The following POLI variants were observed in gnomAD, a reference collection of about 807,000 sequenced individuals.
The protein encoded by POLI is DNA polymerase iota.
In POLI, 58 loss-of-function variants were observed where a neutral mutation model predicts 51.6. That is an observed-to-expected ratio of 1.12 (90% CI 0.91 to 1.40). The LOEUF (loss-of-function observed/expected upper bound fraction) is 1.40. Ranked by LOEUF, POLI falls within the 40% of genes most tolerant of loss-of-function variation. POLI has a pLI of 0.00. For synonymous variants in POLI, 322 were observed against 299.7 expected, an observed-to-expected ratio of 1.07 and a Z score of -0.77; for missense variants, 921 against 871.3, an observed-to-expected ratio of 1.06 and a Z score of -0.72.
At chr18:54,315,803 G>A (rs964026493) in intron 3 of POLI, among the ~76,000 whole-genome samples, 2 of 152,042 alleles carry the variant, frequency 1.3e-5, no homozygotes, top group African/African-American at 4.8e-5. Flanking sequence ...CCATTTGCAT[G>A]ATGGATCTTT....
intron 9 of POLI, 71 bp downstream of exon 9, chr18:54,292,109 C>A: frequency 1.1e-6 from 1 of 918,488 alleles, no homozygotes; most frequent in Non-Finnish European, 1.7e-6. Context: ...CATTACAAAT[C>A]TAAGTGCTTG....
intron 3 of POLI, among the ~76,000 whole-genome samples, chr18:54,319,163 A>T (rs920876963): frequency 6.6e-5 from 10 of 152,200 alleles, no homozygotes; most frequent in Non-Finnish European, 1.0e-4. Context: ...GTCCCTAATG[A>T]CATTATTAGG....
intron 3 of POLI, among the ~76,000 whole-genome samples, chr18:54,305,805 C>G (rs1410566268): frequency 1.3e-5 from 2 of 151,958 alleles, no homozygotes; most frequent in African/African-American, 4.8e-5. Flanking sequence ...GTCACCCAGG[C>G]TGGAGTGCAG....
At chr18:54,285,995 A>G (rs1353267482) in intron 7 of POLI, among the ~76,000 whole-genome samples, 2 of 151,868 alleles carry the variant, frequency 1.3e-5, no homozygotes. Flanking sequence ...CTCAACCGCC[A>G]GAATAGCTGG....
intron 4 of POLI, 123 bp from the exon 5 acceptor site, chr18:54,280,544 G>T: frequency 1.5e-6 from 1 of 648,828 alleles, no homozygotes; most frequent in Admixed American, 2.6e-5. Context: ...AGGTGATGAT[G>T]GTGGTGGTTG....
intron 8 of POLI, among the ~76,000 whole-genome samples, chr18:54,289,873 C>T (rs1309790267): frequency 6.6e-6 from 1 of 152,106 alleles, no homozygotes; most frequent in South Asian, 2.1e-4. Flanking sequence ...ATCATAAAAA[C>T]CCTAGAAGAA....
downstream of POLI, among the ~76,000 whole-genome samples, chr18:54,298,920 G>A (rs751854476): frequency 6.6e-6 from 1 of 152,098 alleles, no homozygotes; most frequent in Non-Finnish European, 1.5e-5. Flanking sequence ...GTTTTGAGAT[G>A]TATTATGGCC....
At chr18:54,319,718 A>G (rs892363797) in intron 3 of POLI, among the ~76,000 whole-genome samples, 1 of 152,214 alleles carries the variant, frequency 6.6e-6, no homozygotes, top group Non-Finnish European at 1.5e-5. Flanking sequence ...ACAAAATACC[A>G]TAATATATGG....
chr18:54,269,893 G>A (rs2086924453), intron 1 of POLI: 1 of 1,253,626 alleles, frequency 8.0e-7, no homozygotes, highest in African/African-American at 1.6e-5. Flanking sequence ...TACGTGTCGA[G>A]GGTTTATCTG....
In POLI at chr18:54,293,817, G is replaced by A; in HGVS notation, c.1573G>A (p.Glu525Lys). 6.2e-7 allele frequency: 1 copy of A among 1,609,424 alleles called. No individual in the cohort carries two copies. ...INEFPLCSLP[E>K]GVDQEVFKQL... ...TGAATTCCCACTCTGTTCACTTCCT[G>A]AAGGTGTTGACCAAGAAGTCTTCAA... Residue 525 changes from glutamate to lysine, a missense_variant, in exon 10 of 10, where the codon GAA becomes AAA. Coordinates refer to ENST00000579534, the MANE Select transcript of POLI (RefSeq NM_007195.3).
chr18:54,315,956 C>T (rs1298563322), intron 3 of POLI, among the ~76,000 whole-genome samples: 8 of 151,608 alleles, frequency 5.3e-5, no homozygotes, highest in Non-Finnish European at 1.2e-4. Flanking sequence ...TCCTTTGTTG[C>T]CTAGACTGGA....
In POLI at chr18:54,291,906, G is replaced by C. The variant is rs780398295; in HGVS notation, c.1272G>C (p.Met424Ile). Residue 424 changes from methionine to isoleucine, a missense_variant, in exon 9 of 10, where the codon ATG becomes ATC. Met to Ile is a conservative substitution (Grantham distance 10, BLOSUM62 1). Transcript: ENST00000579534. The part of the protein sequence containing the change: ...KLFRNMVNVK[M>I]PFHLTLLSVC... The stretch of plus-strand genomic sequence containing the variant: ...TTCGAAATATGGTGAATGTGAAGAT[G>C]CCATTTCACCTTACCCTTCTAAGTG... 1 of 1,608,484 alleles carries C rather than the reference G, an allele frequency of 6.2e-7. No individual in the cohort carries two copies. The highest frequency in any genetic ancestry group is 2.2e-5 in the East Asian group (1 of 44,780).
At chr18:54,289,603 C>T (rs2087902636) in intron 8 of POLI, among the ~76,000 whole-genome samples, 1 of 148,324 alleles carries the variant, frequency 6.7e-6, no homozygotes, top group Non-Finnish European at 1.5e-5. Context: ...GTAACCAAAA[C>T]AGCATGGTAC....
rs1323038086 is a variant in POLI, at chr18:54,269,672, G to A, written c.115+11G>A. ...CAGCCAGCTCGCAGGGTGCGCCGCA[G>A]CCAGAGGAGCCAGCGGCCTCCTTGG... On this transcript the variant is annotated intron_variant, in intron 1 of 9. Coordinates refer to ENST00000579534, the MANE Select transcript of POLI (RefSeq NM_007195.3). 1.3e-6 allele frequency: 2 copies of A among 1,500,478 alleles called. No homozygotes were observed. The highest frequency in any genetic ancestry group is 1.8e-6 in the Non-Finnish European group (2 of 1,129,776). The allele number at this position is 1,500,478 out of a possible 1,614,324, so 92.9% of individuals were successfully genotyped here.
chr18:54,314,334 GGT>G (rs1402103676), intron 3 of POLI, among the ~76,000 whole-genome samples: 1 of 152,088 alleles, frequency 6.6e-6, no homozygotes, highest in Non-Finnish European at 1.5e-5. Flanking sequence ...ATTTGATTGT[GGT>G]TAATTAACTT....
At position 54,280,682 on chromosome 18, in the gene POLI, A is replaced by T. The variant is rs756364130; in HGVS notation, c.575A>T (p.Asp192Val). 6.2e-7 allele frequency: 1 copy of T among 1,610,872 alleles called. No individual in the cohort carries two copies. Among genetic ancestry groups the T allele is most frequent in the Non-Finnish European group, 8.5e-7 (1 of 1,177,116 alleles). The change falls in exon 5 of 10, where the codon GAC (aspartate) becomes GTC (valine). Residue 192 changes from aspartate to valine, a missense_variant. Physicochemically the swap from Asp to Val is radical, Grantham distance 152. Coordinates refer to ENST00000579534, the MANE Select transcript of POLI (RefSeq NM_007195.3). ...VYNNQSINLL[D>V]VLHIRLLVGS... ...GTTTTTAAAGCTATAAACCTGCTTG[A>T]CGTCTTGCACATCAGACTACTTGTT...
chr18:54,291,239 G>C (rs991947783), intron 8 of POLI: 1 of 152,146 alleles, frequency 6.6e-6, no homozygotes, highest in East Asian at 1.9e-4. Flanking sequence ...TCCTTCACCC[G>C]AACCACGACT....
chr18:54,304,144 T>C (rs898821710), intron 3 of POLI, among the ~76,000 whole-genome samples: 3 of 152,214 alleles, frequency 2.0e-5, no homozygotes, highest in African/African-American at 7.2e-5. Flanking sequence ...ACACATTTTC[T>C]TAATCCAGTC....
chr18:54,271,070 G>T (rs2086983212), intron 1 of POLI: 2 of 211,398 alleles, frequency 9.5e-6, no homozygotes, highest in East Asian at 2.2e-4. Context: ...AAACTTCCAG[G>T]TGATAGTATT....
Sources: allele counts gnomAD v4.1 joint callset (sites outside exome capture counted in the v4.1 genomes callset), GRCh38; gene constraint gnomAD v4.1.1; transcripts MANE v1.5; gene names NCBI Gene and HGNC (gene_info 2026-07-23, HGNC 2026-07-21).